Variants in EYS observed in about 807,000 individuals in gnomAD.
EYS encodes the protein protein eyes shut homolog.
EYS carries 250 observed loss-of-function variants against 282.1 expected under a neutral mutation model. That is an observed-to-expected ratio of 0.89 (90% CI 0.80 to 0.98). The LOEUF is 0.98. Among genes scored for constraint, EYS ranks in the 50% least tolerant of loss-of-function variants. EYS has a pLI of 0.00. For synonymous variants in EYS, 1,355 were observed against 1,282.9 expected (o/e 1.06, Z -1.20); for missense variants, 4,016 against 3,709.0 (o/e 1.08, Z -2.15).
At chr6:64,464,157 C>T (rs9345135) in intron 26 of EYS, among the ~76,000 whole-genome samples, 45,038 of 152,000 alleles carry the variant, frequency 0.3, 6,745 homozygotes, top group East Asian at 0.5. Flanking sequence ...CCCAAATCTA[C>T]AATTGTGATA....
intron 2 of EYS, among the ~76,000 whole-genome samples, chr6:65,615,474 G>T (rs1766157264): frequency 6.7e-6 from 1 of 150,258 alleles, no homozygotes; most frequent in South Asian, 2.1e-4. Flanking sequence ...TAGACACAAA[G>T]CTAAATGATG....
chr6:64,770,143 A>G (rs1393663260), intron 22 of EYS, among the ~76,000 whole-genome samples: 3 of 151,962 alleles, frequency 2.0e-5, no homozygotes, highest in Non-Finnish European at 4.4e-5. Flanking sequence ...AGCAAGGAGT[A>G]GGAAAGCCTA....
intron 26 of EYS, among the ~76,000 whole-genome samples, chr6:64,520,190 G>A (rs1251068379): frequency 6.6e-6 from 1 of 151,624 alleles, no homozygotes; most frequent in Non-Finnish European, 1.5e-5. Context: ...GCTGGCTAGG[G>A]TGTTCTCAAC....
At position 64,548,086 on chromosome 6, in the gene EYS, C is replaced by T. The variant is rs533745963; in HGVS notation, c.5644+42137G>A. Among the ~76,000 whole-genome samples the T allele has an allele frequency of 7.2e-5, 11 of 152,310 alleles. 1 individual carries two copies. The South Asian group carries it at 8.3e-4, about 11-fold the overall frequency. On this transcript the variant is annotated intron_variant, in intron 26 of 42. Transcript: ENST00000503581. Reference sequence around the variant, plus strand: ...AAGCTGATAGAGCCGGCTCCAGCCTCGGCCAGCCCAGGAAGGGGCTCCCAC... The same window carrying T: ...AAGCTGATAGAGCCGGCTCCAGCCTTGGCCAGCCCAGGAAGGGGCTCCCAC...
At chr6:64,887,799 A>T (rs1767146234) in intron 18 of EYS, among the ~76,000 whole-genome samples, 1 of 152,098 alleles carries the variant, frequency 6.6e-6, no homozygotes. Flanking sequence ...AGGAATACAG[A>T]TATGTAAACA....
intron 22 of EYS, among the ~76,000 whole-genome samples, chr6:64,774,751 C>T (rs1348778358): frequency 6.6e-6 from 1 of 151,834 alleles, no homozygotes; most frequent in Non-Finnish European, 1.5e-5. Flanking sequence ...TGAAACTTCC[C>T]ACTGTAAAAT....
At chr6:64,070,073 C>T (rs1448078058) in intron 32 of EYS, among the ~76,000 whole-genome samples, 1 of 152,006 alleles carries the variant, frequency 6.6e-6, no homozygotes, top group Non-Finnish European at 1.5e-5. Flanking sequence ...CAGCCTCACA[C>T]AAAATGTTAT....
At chr6:65,266,761 A>G (rs1767762936) in intron 12 of EYS, among the ~76,000 whole-genome samples, 1 of 151,604 alleles carries the variant, frequency 6.6e-6, no homozygotes, top group Non-Finnish European at 1.5e-5. Flanking sequence ...AGCAAGAAAG[A>G]ACATATAAAA....
At chr6:63,975,295 C>A (rs1766780158) in intron 35 of EYS, among the ~76,000 whole-genome samples, 4 of 151,786 alleles carry the variant, frequency 2.6e-5, no homozygotes, top group Admixed American at 2.6e-4. Context: ...CTTTATGAAT[C>A]CCACGATCAT....
At chr6:64,841,014 T>A (rs1765548251) in intron 19 of EYS, among the ~76,000 whole-genome samples, 1 of 152,066 alleles carries the variant, frequency 6.6e-6, no homozygotes, top group Non-Finnish European at 1.5e-5. Context: ...AACTTTATTT[T>A]TTTCTTATTG....
At chr6:63,755,478 T>C (rs1344511654) in intron 41 of EYS, among the ~76,000 whole-genome samples, 2 of 152,130 alleles carry the variant, frequency 1.3e-5, no homozygotes, top group South Asian at 2.1e-4. Flanking sequence ...TGTTCTGTTC[T>C]ATTGGTCTGT....
intron 12 of EYS, among the ~76,000 whole-genome samples, chr6:65,227,834 T>C (rs184124001): frequency 2.0e-5 from 3 of 152,194 alleles, no homozygotes; most frequent in East Asian, 3.9e-4. Flanking sequence ...GGACAGATAT[T>C]GTTTGATTCT....
intron 33 of EYS, among the ~76,000 whole-genome samples, chr6:64,052,838 C>A (rs1184062985): frequency 1.3e-5 from 2 of 152,072 alleles, no homozygotes; most frequent in African/African-American, 4.8e-5. Flanking sequence ...TGCCACCCTG[C>A]GAAGAGGTGC....
chr6:64,922,990 A>T (rs184312306), intron 15 of EYS, among the ~76,000 whole-genome samples: 226 of 152,254 alleles, frequency 1.5e-3, no homozygotes, highest in African/African-American at 5.2e-3. Context: ...TCATCTGGAG[A>T]AACACTTCTT....
At chr6:64,853,907 AAAAC>A (rs1254864421) in intron 19 of EYS, among the ~76,000 whole-genome samples, 1 of 152,042 alleles carries the variant, frequency 6.6e-6, no homozygotes, top group African/African-American at 2.4e-5. Context: ...TTACAAGAAA[AAAAC>A]AAACAACCCC....
At chr6:63,774,472 A>C (rs535552268) in intron 40 of EYS, among the ~76,000 whole-genome samples, 10 of 152,084 alleles carry the variant, frequency 6.6e-5, no homozygotes, top group African/African-American at 2.4e-4. Context: ...ACAGGGCTAC[A>C]CTGTGTTTTT....
intron 28 of EYS, among the ~76,000 whole-genome samples, 163 bp downstream of exon 28, chr6:64,436,011 A>AT (rs1774735585): frequency 6.6e-6 from 1 of 151,862 alleles, no homozygotes; most frequent in Non-Finnish European, 1.5e-5. Flanking sequence ...TTCTCAGTAC[A>AT]TTTTTTAGAA....
At chr6:64,720,891 A>G (rs552373854) in intron 22 of EYS, among the ~76,000 whole-genome samples, 1 of 152,220 alleles carries the variant, frequency 6.6e-6, no homozygotes, top group Non-Finnish European at 1.5e-5. Flanking sequence ...ATGTGCAAAC[A>G]TCTGCATTTT....
At position 65,432,236 on chromosome 6, in the gene EYS, T is replaced by C. The variant is rs113514046; in HGVS notation, c.863-26869A>G. On this transcript the variant is annotated intron_variant, in intron 5 of 42. Transcript: ENST00000503581. The stretch of plus-strand genomic sequence containing the variant: ...AGGGTTTTTGGAAGTTAATTATTTA[T>C]ATGAAACATAAAATTATTGTGTCAG... 6.7e-3 allele frequency among the ~76,000 whole-genome samples: 1,023 copies of C among 152,252 alleles called. 14 individuals carry two copies. The highest frequency in any genetic ancestry group is 0.024 in the African/African-American group (980 of 41,554).
Sources: gnomAD v4.1 joint callset for allele counts (sites outside exome capture counted in the v4.1 genomes callset) on GRCh38, gnomAD v4.1.1 for gene constraint, MANE v1.5 for transcripts, NCBI Gene and HGNC (gene_info 2026-07-23, HGNC 2026-07-21) for gene names.